DGUOK: variants seen among roughly 807,000 people sequenced by gnomAD.
The protein encoded by DGUOK is deoxyguanosine kinase.
Under a neutral mutation model 36.6 loss-of-function variants are expected in DGUOK, and 30 were observed. That is an observed-to-expected ratio of 0.82 (90% CI 0.61 to 1.11). The LOEUF is 1.11. Among genes scored for constraint, DGUOK ranks in the 50% most tolerant of loss-of-function variants. The pLI is 0.00. For missense variants in DGUOK, 361 were observed against 336.4 expected (o/e 1.07, Z -0.57); for synonymous variants, 145 against 126.3 (o/e 1.15, Z -0.99).
intron 4 of DGUOK, among the ~76,000 whole-genome samples, 153 bp from the exon 5 acceptor site, chr2:73,956,972 T>C (rs1287467648): frequency 8.0e-6 from 1 of 124,478 alleles, no homozygotes; most frequent in Non-Finnish European, 1.8e-5. Context: ...GTGTAGATCC[T>C]CTGATTGCAT....
intron 2 of DGUOK, among the ~76,000 whole-genome samples, chr2:73,940,396 G>A (rs182027790): frequency 2.6e-4 from 39 of 152,266 alleles, no homozygotes; most frequent in African/African-American, 9.4e-4. Flanking sequence ...CTTGTTCTGG[G>A]TGCCATTTTT....
At chr2:73,931,646 AAG>A (rs1451219105) in intron 1 of DGUOK, among the ~76,000 whole-genome samples, 1 of 152,214 alleles carries the variant, frequency 6.6e-6, no homozygotes, top group African/African-American at 2.4e-5. Flanking sequence ...TAATTTAAAA[AAG>A]GAAATTGTGT....
chr2:73,954,080 G>A (rs1052605865), intron 4 of DGUOK, among the ~76,000 whole-genome samples: 1 of 152,030 alleles, frequency 6.6e-6, no homozygotes, highest in African/African-American at 2.4e-5. Flanking sequence ...AGTGGCTCAT[G>A]CCTGCAATGC....
intron 1 of DGUOK, among the ~76,000 whole-genome samples, chr2:73,936,452 G>T (rs552453570): frequency 1.3e-5 from 2 of 152,306 alleles, no homozygotes; most frequent in East Asian, 3.9e-4. Context: ...AGAGATGAGC[G>T]TGACTGTACA....
intron 2 of DGUOK, among the ~76,000 whole-genome samples, chr2:73,943,700 A>C (rs1682077327): frequency 6.6e-6 from 1 of 151,306 alleles, no homozygotes; most frequent in Non-Finnish European, 1.5e-5. Context: ...CCCAGGCCAG[A>C]GTGCAATGGC....
intron 3 of DGUOK, among the ~76,000 whole-genome samples, chr2:73,950,295 T>C (rs1682612871): frequency 6.6e-6 from 1 of 152,232 alleles, no homozygotes; most frequent in South Asian, 2.1e-4. Context: ...TAGGGACCAA[T>C]GATACTATCT....
chr2:73,933,323 C>T (rs1681200136), intron 1 of DGUOK, among the ~76,000 whole-genome samples: 1 of 152,254 alleles, frequency 6.6e-6, no homozygotes, highest in South Asian at 2.1e-4. Flanking sequence ...TGCAAAGGTT[C>T]AGTCTCTGTC....
At chr2:73,948,431 G>A (rs1371436568) in intron 3 of DGUOK, among the ~76,000 whole-genome samples, 1 of 152,226 alleles carries the variant, frequency 6.6e-6, no homozygotes. Context: ...TATCTTCAGT[G>A]AGGGCATTTT....
chr2:73,950,660 T>G lies in DGUOK; in HGVS notation c.519T>G (p.His173Gln). The G allele has an allele frequency of 6.2e-7, 1 of 1,614,188 alleles. No individual in the cohort carries two copies. Among genetic ancestry groups the G allele is most frequent in the Non-Finnish European group, 8.5e-7 (1 of 1,180,014 alleles). ...AGTGGCATATCTATCAGGACTGGCA[T>G]TCTTTTCTCCTGTGGGAGTTTGCCA... is the stretch of plus-strand genomic sequence containing the variant. Reference protein sequence around the residue: ...DIEWHIYQDWHSFLLWEFASR... With the variant: ...DIEWHIYQDWQSFLLWEFASR... Residue 173 changes from histidine (H) to glutamine (Q), a missense_variant, in exon 4 of 7, where the codon CAT becomes CAG. His to Gln is a conservative substitution (Grantham distance 24). Coordinates refer to ENST00000264093, the MANE Select transcript of DGUOK (RefSeq NM_080916.3).
chr2:73,939,738 T>G (rs1276896058), intron 2 of DGUOK, among the ~76,000 whole-genome samples: 1 of 152,212 alleles, frequency 6.6e-6, no homozygotes, highest in African/African-American at 2.4e-5. Flanking sequence ...GGTTCTTAAC[T>G]CTAATTACTA....
intron 1 of DGUOK, among the ~76,000 whole-genome samples, chr2:73,933,912 A>G (rs553806482): frequency 2.0e-5 from 3 of 152,100 alleles, no homozygotes; most frequent in Admixed American, 6.5e-5. Context: ...AAAGACTTCA[A>G]TTTTTTTTGG....
At chr2:73,928,281 C>T (rs1680757313) in intron 1 of DGUOK, among the ~76,000 whole-genome samples, 1 of 152,164 alleles carries the variant, frequency 6.6e-6, no homozygotes, top group African/African-American at 2.4e-5. Context: ...GCACCCGCCA[C>T]CACACCCAGT....
Position 73,950,740 on chromosome 2 carries a change from T to C in DGUOK, c.591+8T>C. On this transcript the variant is annotated splice_region_variant and intron_variant, in intron 4 of 6. Transcript: ENST00000264093. ...CTCCAGGCTTCTCCCCAGGTAACACTGAACCTACAACCTTAGACTTTAGGG... is the reference window on the plus strand; with the variant it reads ...CTCCAGGCTTCTCCCCAGGTAACACCGAACCTACAACCTTAGACTTTAGGG... 6.2e-7 allele frequency: 1 copy of C among 1,614,196 alleles called. No individual in the cohort carries two copies. The highest frequency in any genetic ancestry group is 1.1e-5 in the South Asian group (1 of 91,088).
At chr2:73,946,685 A>G in intron 2 of DGUOK, 34 bp from the exon 3 acceptor site, 1 of 1,605,722 alleles carries the variant, frequency 6.2e-7, no homozygotes, top group Non-Finnish European at 8.5e-7. Context: ...TATGCTTTCT[A>G]GGAAATTTTC....
chr2:73,958,124 C>G (rs554005472), intron 5 of DGUOK, 22 bp from the exon 6 acceptor site: 1 of 1,598,350 alleles, frequency 6.3e-7, no homozygotes. Context: ...TTCTGTCCCC[C>G]AAACGTTCAC....
intron 1 of DGUOK, 62 bp downstream of exon 1, chr2:73,927,114 A>G (rs1573490611): frequency 6.3e-7 from 1 of 1,598,362 alleles, no homozygotes; most frequent in Non-Finnish European, 8.5e-7. Flanking sequence ...AGAGGCTGGG[A>G]AAGGAGCTGG....
chr2:73,947,973 A>T (rs1464127971), intron 3 of DGUOK: 2 of 152,222 alleles, frequency 1.3e-5, no homozygotes, highest in Non-Finnish European at 2.9e-5. Flanking sequence ...TGTAAATGAC[A>T]AGTGATTTTT....
chr2:73,935,337 C>G (rs138709693), intron 1 of DGUOK, among the ~76,000 whole-genome samples: 23 of 152,286 alleles, frequency 1.5e-4, no homozygotes, highest in African/African-American at 5.3e-4. Flanking sequence ...GTATGGCTTT[C>G]TGTAGACAGG....
chr2:73,952,855 A>G (rs1320947120), intron 4 of DGUOK, among the ~76,000 whole-genome samples: 1 of 152,160 alleles, frequency 6.6e-6, no homozygotes, highest in African/African-American at 2.4e-5. Context: ...TGCACTCTGA[A>G]TGACCTTATA....
Sources: allele counts gnomAD v4.1 joint callset (sites outside exome capture counted in the v4.1 genomes callset), GRCh38; gene constraint gnomAD v4.1.1; transcripts MANE v1.5; gene names NCBI Gene and HGNC (gene_info 2026-07-23, HGNC 2026-07-21).